Variants in CYRIB observed in about 807,000 individuals in gnomAD.
CYRIB encodes CYFIP-related Rac1 interactor B.
In CYRIB, 8 loss-of-function variants were observed where a neutral mutation model predicts 44.2. That is an observed-to-expected ratio of 0.18 (90% confidence interval 0.11 to 0.33). The LOEUF is 0.33. Ranked by LOEUF, CYRIB falls within the 10% of genes least tolerant of loss-of-function variation. The pLI is 1.00. For missense variants in CYRIB, 185 were observed against 382.8 expected, an observed-to-expected ratio of 0.48 and a Z score of 4.31; for synonymous variants, 131 against 127.2, an observed-to-expected ratio of 1.03 and a Z score of -0.20.
At chr8:129,961,905 C>G (rs553833579) in intron 2 of CYRIB, among the ~76,000 whole-genome samples, 10 of 152,200 alleles carry the variant, frequency 6.6e-5, no homozygotes, top group Non-Finnish European at 1.2e-4. Context: ...AGTTCCTAAA[C>G]TCTCTGAGCT....
At chr8:129,999,444 C>T (rs1195254136) in intron 1 of CYRIB, among the ~76,000 whole-genome samples, 4 of 152,216 alleles carry the variant, frequency 2.6e-5, no homozygotes, top group African/African-American at 9.6e-5. Flanking sequence ...GAGGCAAGGC[C>T]CACGTGCGCC....
intron 1 of CYRIB, among the ~76,000 whole-genome samples, chr8:130,008,708 C>A (rs903677481): frequency 1.1e-4 from 17 of 152,194 alleles, no homozygotes; most frequent in Non-Finnish European, 2.4e-4. Context: ...ACACAGAAAT[C>A]TCCATTTGAT....
chr8:129,914,703 T>C (rs1047881782), intron 1 of CYRIB, among the ~76,000 whole-genome samples: 3 of 152,228 alleles, frequency 2.0e-5, no homozygotes, highest in Non-Finnish European at 4.4e-5. Context: ...TCCCTATACA[T>C]TTTGCAACAA....
At chr8:129,912,476 A>G (rs559202545) in intron 1 of CYRIB, 1 of 151,916 alleles carries the variant, frequency 6.6e-6, no homozygotes, top group Admixed American at 6.6e-5. Flanking sequence ...TTACCTGAGA[A>G]GTGCAAGGTT....
At chr8:129,991,095 G>GC (rs1469239301) in intron 1 of CYRIB, among the ~76,000 whole-genome samples, 3 of 138,074 alleles carry the variant, frequency 2.2e-5, no homozygotes, top group African/African-American at 8.4e-5. Flanking sequence ...TCGCACCACT[G>GC]CACTCCAGCC....
chr8:129,895,110 CGGGGTTGGGGTG>C (rs1414075987), intron 2 of CYRIB, among the ~76,000 whole-genome samples: 1 of 8,792 alleles, frequency 1.1e-4, no homozygotes, highest in Non-Finnish European at 2.5e-4. Context: ...TGTGTGTCGG[CGGGGTTGGGGTG>C]GGGGTGGGGG....
chr8:129,910,946 C>T (rs1386513983), intron 1 of CYRIB, among the ~76,000 whole-genome samples: 2 of 152,254 alleles, frequency 1.3e-5, no homozygotes, highest in Non-Finnish European at 2.9e-5. Flanking sequence ...GCATGAGCCA[C>T]CTTGCCCGGC....
chr8:129,990,110 G>A (rs1381993693), intron 1 of CYRIB, among the ~76,000 whole-genome samples: 2 of 152,086 alleles, frequency 1.3e-5, no homozygotes, highest in Non-Finnish European at 2.9e-5. Context: ...CCCCATCTAT[G>A]AAGGCACAGT....
rs73398758 is a variant in CYRIB at position 129,964,821 on chromosome 8, G to A, written c.-243+6122C>T. 4.6e-3 allele frequency among the ~76,000 whole-genome samples: 694 copies of A among 152,304 alleles called. 6 individuals are homozygous for A. The highest frequency in any genetic ancestry group is 0.016 in the African/African-American group (668 of 41,558). On this transcript the variant is annotated intron_variant, in intron 2 of 14. Coordinates refer to the CYRIB transcript ENST00000401979. ...GTCGAGGCTGCAGTGAGCCGTGATC[G>A]TGCCACTGCACTTCAGCCTGGGTAG...
chr8:129,936,545 T>A (rs765905717), intron 1 of CYRIB, among the ~76,000 whole-genome samples: 4 of 152,186 alleles, frequency 2.6e-5, no homozygotes, highest in Non-Finnish European at 5.9e-5. Flanking sequence ...ATAAATTATT[T>A]GAATTCACTG....
exon 7 of CYRIB, chr8:129,854,296 T>G: frequency 1.2e-6 from 2 of 1,611,374 alleles, no homozygotes; most frequent in Non-Finnish European, 1.7e-6. Flanking sequence ...TACGACTCAA[T>G]GTTCTTCTAT....
intron 2 of CYRIB, among the ~76,000 whole-genome samples, chr8:129,902,271 G>A (rs1051538134): frequency 6.6e-6 from 1 of 152,166 alleles, no homozygotes; most frequent in African/African-American, 2.4e-5. Flanking sequence ...CCAGGCTGGA[G>A]TGCATGGCGT....
At chr8:129,936,539 A>G (rs1007641994) in intron 1 of CYRIB, among the ~76,000 whole-genome samples, 1 of 152,172 alleles carries the variant, frequency 6.6e-6, no homozygotes, top group Non-Finnish European at 1.5e-5. Context: ...TGCCCAATAA[A>G]TTATTTGAAT....
chr8:130,002,039 C>A (rs1449774928), intron 1 of CYRIB, among the ~76,000 whole-genome samples: 1 of 152,192 alleles, frequency 6.6e-6, no homozygotes, highest in Non-Finnish European at 1.5e-5. Flanking sequence ...CCGTATTTCA[C>A]CTCAGGGATG....
intron 1 of CYRIB, among the ~76,000 whole-genome samples, chr8:129,995,951 T>C (rs774579958): frequency 1.2e-4 from 19 of 152,214 alleles, no homozygotes; most frequent in Non-Finnish European, 2.1e-4. Context: ...ACACGCCAGT[T>C]GGCTGTGCTC....
intron 1 of CYRIB, among the ~76,000 whole-genome samples, chr8:129,923,110 G>A (rs1243513982): frequency 4.7e-5 from 7 of 149,120 alleles, no homozygotes; most frequent in African/African-American, 9.8e-5. Context: ...AGGCATGGTG[G>A]CACATGCCTG....
chr8:129,922,634 C>A (rs575925341), intron 1 of CYRIB, among the ~76,000 whole-genome samples: 1 of 148,010 alleles, frequency 6.8e-6, no homozygotes, highest in South Asian at 2.2e-4. Flanking sequence ...GAGGCCGAGG[C>A]GGGCGGATCA....
intron 4 of CYRIB, among the ~76,000 whole-genome samples, chr8:129,871,160 T>A (rs1429562347): frequency 6.6e-6 from 1 of 152,186 alleles, no homozygotes; most frequent in African/African-American, 2.4e-5. Context: ...GTAAATAACA[T>A]TTTCTTAATT....
rs1205577009 is a variant in CYRIB, at chr8:129,990,428, CTGCTGAGCAAATGA to C, written c.-295-19447_-295-19434del. ...TACGTAATATGTATAATATTTCATGCTGCTGAGCAAATGAATAGGTAAAGAACAATACGGTGTGT... is the reference window on the plus strand; with the variant it reads ...TACGTAATATGTATAATATTTCATGCATAGGTAAAGAACAATACGGTGTGT... On this transcript the variant is annotated intron_variant, in intron 1 of 14. Coordinates refer to the CYRIB transcript ENST00000401979. Among the ~76,000 whole-genome samples, 23 of 152,038 alleles carry C rather than the reference CTGCTGAGCAAATGA, an allele frequency of 1.5e-4. 1 individual carries two copies. Among genetic ancestry groups the C allele is most frequent in the African/African-American group, 5.3e-4 (22 of 41,466 alleles).
Sources: allele counts gnomAD v4.1 joint callset (sites outside exome capture counted in the v4.1 genomes callset), GRCh38; gene constraint gnomAD v4.1.1; transcripts MANE v1.5; gene names NCBI Gene and HGNC (gene_info 2026-07-23, HGNC 2026-07-21).